The following ACOXL variants were observed in gnomAD, a reference collection of about 807,000 sequenced individuals.
ACOXL encodes the protein acyl-coenzyme A oxidase-like protein.
Under a neutral mutation model 71.9 loss-of-function variants are expected in ACOXL, and 70 were observed. That is an observed-to-expected ratio of 0.97 (90% confidence interval 0.80 to 1.19). The LOEUF (loss-of-function observed/expected upper bound fraction) is 1.19, where lower values mean the gene tolerates loss of function less well. Ranked by LOEUF, ACOXL falls within the 50% of genes most tolerant of loss-of-function variation. The pLI, the probability that ACOXL is intolerant of heterozygous loss-of-function variation, is 0.00. For synonymous variants in ACOXL, 253 were observed against 281.6 expected, an observed-to-expected ratio of 0.90 and a Z score of 1.02; for missense variants, 703 against 736.3, an observed-to-expected ratio of 0.95 and a Z score of 0.52.
chr2:111,003,455 G>T (rs1204215632), intron 14 of ACOXL, among the ~76,000 whole-genome samples: 1 of 144,654 alleles, frequency 6.9e-6, no homozygotes, highest in Non-Finnish European at 1.5e-5. Flanking sequence ...GGAGGCTTAG[G>T]CAAGAGAATT....
chr2:110,768,576 T>C, intron 2 of ACOXL, 112 bp downstream of exon 2: 1 of 971,606 alleles, frequency 1.0e-6, no homozygotes. Context: ...GTTTAGAGGG[T>C]ATATGTGCAG....
intron 9 of ACOXL, among the ~76,000 whole-genome samples, chr2:110,813,454 T>G (rs1433202382): frequency 6.6e-6 from 1 of 152,128 alleles, no homozygotes; most frequent in Non-Finnish European, 1.5e-5. Flanking sequence ...AGCTGCCAGC[T>G]CATCTACTAC....
intron 16 of ACOXL, among the ~76,000 whole-genome samples, chr2:111,069,106 T>G (rs188389745): frequency 9.2e-5 from 14 of 152,104 alleles, no homozygotes; most frequent in African/African-American, 2.9e-4. Context: ...GCCTTTTCTC[T>G]GTGCATGCAC....
intron 14 of ACOXL, among the ~76,000 whole-genome samples, chr2:111,014,161 G>T (rs1317354468): frequency 1.3e-5 from 2 of 152,094 alleles, no homozygotes; most frequent in Non-Finnish European, 2.9e-5. Flanking sequence ...TTCTCCTAAA[G>T]ACGGAACAAG....
chr2:111,071,106 C>A (rs2067318901), intron 16 of ACOXL, among the ~76,000 whole-genome samples: 1 of 152,152 alleles, frequency 6.6e-6, no homozygotes, highest in African/African-American at 2.4e-5. Context: ...TGCCTGTCAC[C>A]TTTCTAAAGA....
intron 12 of ACOXL, among the ~76,000 whole-genome samples, chr2:110,983,408 C>T (rs1250188941): frequency 6.6e-6 from 1 of 152,226 alleles, no homozygotes; most frequent in Non-Finnish European, 1.5e-5. Context: ...GCCAAACTCA[C>T]AGTTTCCAAA....
chr2:110,865,378 T>C (rs751992207), intron 10 of ACOXL, among the ~76,000 whole-genome samples: 3 of 152,212 alleles, frequency 2.0e-5, no homozygotes, highest in African/African-American at 7.2e-5. Context: ...CTTTCGTTTT[T>C]ACTTTGCCTT....
chr2:110,826,484 G>A (rs895891143), intron 9 of ACOXL, among the ~76,000 whole-genome samples: 7 of 152,172 alleles, frequency 4.6e-5, no homozygotes, highest in East Asian at 1.9e-4. Flanking sequence ...CATGTTTGAC[G>A]TGTAGAAAGT....
At chr2:110,981,405 A>G (rs2062703875) in intron 12 of ACOXL, among the ~76,000 whole-genome samples, 2 of 152,146 alleles carry the variant, frequency 1.3e-5, no homozygotes, top group South Asian at 2.1e-4. Context: ...CTTCCTGGCT[A>G]TGTGACCCTG....
intron 9 of ACOXL, among the ~76,000 whole-genome samples, chr2:110,827,613 C>T (rs963654520): frequency 4.6e-5 from 7 of 152,086 alleles, no homozygotes; most frequent in African/African-American, 1.2e-4. Flanking sequence ...GAAGGCAGCT[C>T]CTTAAGAAGC....
chr2:110,756,734 C>T (rs1573362665), intron 1 of ACOXL, among the ~76,000 whole-genome samples: 2 of 152,068 alleles, frequency 1.3e-5, no homozygotes, highest in Admixed American at 6.6e-5. Context: ...CCACATTTGT[C>T]TTACATATAT....
At chr2:110,881,851 G>T (rs112725046) in intron 10 of ACOXL, among the ~76,000 whole-genome samples, 14 of 151,062 alleles carry the variant, frequency 9.3e-5, no homozygotes, top group African/African-American at 3.4e-4. Context: ...TTGCATGGAT[G>T]TATCACAGTT....
At chr2:110,883,553 A>G (rs1449040495) in intron 10 of ACOXL, among the ~76,000 whole-genome samples, 2 of 152,304 alleles carry the variant, frequency 1.3e-5, no homozygotes, top group African/African-American at 4.8e-5. Flanking sequence ...TTTGGACAGT[A>G]AAATTCTTTC....
At chr2:110,942,023 A>G (rs915996793) in intron 12 of ACOXL, among the ~76,000 whole-genome samples, 1 of 152,204 alleles carries the variant, frequency 6.6e-6, no homozygotes, top group East Asian at 1.9e-4. Flanking sequence ...AATGCATGAC[A>G]ATAGCATAAA....
chr2:110,787,265 T>G (rs1684078865), intron 3 of ACOXL, among the ~76,000 whole-genome samples: 1 of 152,104 alleles, frequency 6.6e-6, no homozygotes, highest in Admixed American at 6.5e-5. Context: ...CCGGGTGCGG[T>G]GACTCACGCT....
chr2:110,733,263 C>T (rs1254220083), intron 1 of ACOXL, among the ~76,000 whole-genome samples: 1 of 152,234 alleles, frequency 6.6e-6, no homozygotes, highest in African/African-American at 2.4e-5. Context: ...CTTACAGGAC[C>T]CCCTCGGAGT....
chr2:111,068,391 T>G (rs1192487685), intron 16 of ACOXL, among the ~76,000 whole-genome samples: 5 of 152,126 alleles, frequency 3.3e-5, no homozygotes, highest in Non-Finnish European at 5.9e-5. Context: ...GTCAGCAAGA[T>G]TTAGCTGAAT....
intron 10 of ACOXL, among the ~76,000 whole-genome samples, chr2:110,845,390 G>T (rs188452892): frequency 1.3e-5 from 2 of 152,116 alleles, no homozygotes; most frequent in Non-Finnish European, 2.9e-5. Flanking sequence ...ATATCATCAC[G>T]TTGGCCGTTA....
chr2:110,903,709 G>T (rs557998306), intron 10 of ACOXL, among the ~76,000 whole-genome samples: 1 of 152,250 alleles, frequency 6.6e-6, no homozygotes, highest in Admixed American at 6.5e-5. Flanking sequence ...TCTGGCAGGC[G>T]GTAATTGCTG....
Sources: gnomAD v4.1 joint callset for allele counts (sites outside exome capture counted in the v4.1 genomes callset) on GRCh38, gnomAD v4.1.1 for gene constraint, MANE v1.5 for transcripts, NCBI Gene and HGNC (gene_info 2026-07-23, HGNC 2026-07-21) for gene names.